UBE4B: variants seen among roughly 807,000 people sequenced by gnomAD.
The protein encoded by UBE4B is ubiquitin conjugation factor E4 B.
Under a neutral mutation model 148.1 loss-of-function variants are expected in UBE4B, and 27 were observed. The ratio of observed to expected loss-of-function variants is 0.18; its 90% CI spans 0.13 to 0.25. The LOEUF (loss-of-function observed/expected upper bound fraction) is 0.25, where lower values mean the gene tolerates loss of function less well. UBE4B is among the 10% of genes least tolerant of loss of function. The probability of loss-of-function intolerance (pLI) is 1.00; values close to 1 mark genes in which losing one functional copy is unlikely to be tolerated. For synonymous variants in UBE4B, 596 were observed against 619.3 expected, an observed-to-expected ratio of 0.96 and a Z score of 0.56; for missense variants, 1,170 against 1,662.4, an observed-to-expected ratio of 0.70 and a Z score of 5.15.
chr1:10,115,832 ACTC>A (rs1376550854), intron 7 of UBE4B, among the ~76,000 whole-genome samples: 1 of 152,086 alleles, frequency 6.6e-6, no homozygotes, highest in Non-Finnish European at 1.5e-5. Flanking sequence ...TGTACTGAAC[ACTC>A]TAGGCAATTA....
chr1:10,173,417 G>A (rs1646367020), intron 25 of UBE4B, among the ~76,000 whole-genome samples: 1 of 151,470 alleles, frequency 6.6e-6, no homozygotes, highest in African/African-American at 2.4e-5. Context: ...AGGAGGCAGA[G>A]CTTGCAGTGA....
chr1:10,177,227 A>G, intron 25 of UBE4B, among the ~76,000 whole-genome samples: 1 of 152,052 alleles, frequency 6.6e-6, no homozygotes, highest in Admixed American at 6.6e-5. Flanking sequence ...TTTATGAAGA[A>G]AAGAGGTTTA....
At chr1:10,066,309 G>A (rs577788146) in intron 1 of UBE4B, among the ~76,000 whole-genome samples, 4 of 116,396 alleles carry the variant, frequency 3.4e-5, no homozygotes, top group Admixed American at 7.5e-5. Context: ...TGTGGGATTG[G>A]GGGGGGAGGG....
chr1:10,096,632 GA>G (rs1286732673), intron 3 of UBE4B, among the ~76,000 whole-genome samples: 1 of 152,148 alleles, frequency 6.6e-6, no homozygotes, highest in African/African-American at 2.4e-5. Context: ...TGAGGCAGGA[GA>G]ATCACTTGAA....
intron 1 of UBE4B, among the ~76,000 whole-genome samples, chr1:10,040,925 TC>T (rs1425581109): frequency 6.6e-6 from 1 of 152,160 alleles, no homozygotes; most frequent in Non-Finnish European, 1.5e-5. Context: ...CAGCCTAACA[TC>T]CCCACCTCTT....
intron 1 of UBE4B, among the ~76,000 whole-genome samples, chr1:10,051,386 T>C (rs1644041328): frequency 6.6e-6 from 1 of 152,226 alleles, no homozygotes; most frequent in African/African-American, 2.4e-5. Context: ...TAAGATTGAA[T>C]TGTGTATAAT....
At chr1:10,041,785 C>T (rs970183403) in intron 1 of UBE4B, among the ~76,000 whole-genome samples, 1 of 152,152 alleles carries the variant, frequency 6.6e-6, no homozygotes, top group South Asian at 2.1e-4. Context: ...CAACCTCCGC[C>T]TCCCGAGTTC....
At chr1:10,035,615 C>T (rs1462568420) in intron 1 of UBE4B, among the ~76,000 whole-genome samples, 3 of 148,704 alleles carry the variant, frequency 2.0e-5, no homozygotes, top group Non-Finnish European at 3.0e-5. Context: ...ACTGTGTTAG[C>T]CAGGATGGTC....
At chr1:10,179,586 T>C (rs1557623570) in intron 27 of UBE4B, 24 bp downstream of exon 27, 1 of 1,610,464 alleles carries the variant, frequency 6.2e-7, no homozygotes, top group East Asian at 2.2e-5. Flanking sequence ...CAGTTTGAGG[T>C]GCAGCGCTGG....
At chr1:10,109,608 C>T (rs902550934) in intron 7 of UBE4B, among the ~76,000 whole-genome samples, 16 of 151,400 alleles carry the variant, frequency 1.1e-4, no homozygotes, top group Admixed American at 2.6e-4. Context: ...ACTTAGGGTT[C>T]TTCTAAGTAG....
rs768862044 is a variant in UBE4B, at chr1:10,106,556, G to A, written c.1169G>A (p.Arg390His). ...GCCTCACCCAGTGCCACGAGCAGAC[G>A]CCCCTCCTCCCTGAGGATCTCTCCT... ...PPASPSATSRRPSSLRISPSL... is the reference protein window; with the variant it reads ...PPASPSATSRHPSSLRISPSL... Residue 390 changes from arginine (R) to histidine (H), a missense_variant, in exon 7 of 28, where the codon CGC becomes CAC. Around this residue, in one of 6 missense-constraint regions of UBE4B, gnomAD observed 388 missense variants for 536.0 expected, o/e 0.72. Transcript: ENST00000343090. This position sits in a 1 kb window ranked among gnomAD's most constrained non-coding sequence, Gnocchi z 4.2. 3 of 1,584,132 alleles carry A rather than the reference G, an allele frequency of 1.9e-6. No individual in the cohort carries two copies. The highest frequency in any genetic ancestry group is 1.1e-5 in the South Asian group (1 of 87,336).
intron 23 of UBE4B, among the ~76,000 whole-genome samples, chr1:10,167,794 T>C (rs997021028): frequency 3.3e-5 from 5 of 152,062 alleles, no homozygotes; most frequent in Non-Finnish European, 5.9e-5. Flanking sequence ...GGTTTCACCA[T>C]GTTGGCCAGG....
At chr1:10,056,600 C>G (rs1644173448) in intron 1 of UBE4B, among the ~76,000 whole-genome samples, 1 of 152,142 alleles carries the variant, frequency 6.6e-6, no homozygotes. Flanking sequence ...ACCTTTATTT[C>G]TGATGACTAT....
At chr1:10,068,666 A>T (rs1400398193) in intron 1 of UBE4B, among the ~76,000 whole-genome samples, 5 of 149,680 alleles carry the variant, frequency 3.3e-5, no homozygotes, top group Non-Finnish European at 7.4e-5. Context: ...TTGTATTTTT[A>T]GTAGAGCCGG....
intron 17 of UBE4B, among the ~76,000 whole-genome samples, chr1:10,142,327 A>G (rs1645796024): frequency 6.6e-6 from 1 of 152,174 alleles, no homozygotes; most frequent in Admixed American, 6.5e-5. Flanking sequence ...ACAACAAATT[A>G]CCACAACTTT....
At chr1:10,097,055 T>A (rs192934423) in intron 3 of UBE4B, among the ~76,000 whole-genome samples, 8,132 of 141,512 alleles carry the variant, frequency 0.057, 352 homozygotes, top group Middle Eastern at 0.12. Flanking sequence ...AAAAAAAAAA[T>A]AATAATAATA....
At chr1:10,141,756 A>G (rs1017496488) in intron 17 of UBE4B, among the ~76,000 whole-genome samples, 9 of 152,154 alleles carry the variant, frequency 5.9e-5, no homozygotes, top group African/African-American at 2.2e-4. Flanking sequence ...CAAGGTGACT[A>G]TCTCTGATGA....
At position 10,154,576 on chromosome 1, in the gene UBE4B, G is replaced by A. The variant is rs368961834; in HGVS notation, c.2926+3015G>A. Among the ~76,000 whole-genome samples, 6 of 152,092 alleles carry A rather than the reference G, an allele frequency of 3.9e-5. No individual in the cohort carries two copies. In the East Asian group the frequency reaches 7.7e-4, roughly 20 times the overall value. On this transcript the variant is annotated intron_variant, in intron 21 of 27. Coordinates refer to ENST00000343090, the MANE Select transcript of UBE4B (RefSeq NM_001105562.3). ...CAACTGGCCGGGCTCAGTGACTCAC[G>A]CCTGTAATCCCAGCACTTTGGGAGG...
intron 23 of UBE4B, among the ~76,000 whole-genome samples, chr1:10,165,720 T>C (rs1241159619): frequency 6.6e-6 from 1 of 152,110 alleles, no homozygotes; most frequent in Non-Finnish European, 1.5e-5. Context: ...TTCCCTCAGA[T>C]TTTCCGACTC....
Sources: allele counts gnomAD v4.1 joint callset (sites outside exome capture counted in the v4.1 genomes callset), GRCh38; gene constraint gnomAD v4.1.1; regional missense constraint gnomAD v4.1.1; non-coding constraint Gnocchi (gnomAD v3.1); transcripts MANE v1.5; gene names NCBI Gene and HGNC (gene_info 2026-07-23, HGNC 2026-07-21).